DNAH14: variants seen among roughly 807,000 people sequenced by gnomAD.
DNAH14 encodes axonemal beta dynein heavy chain 14.
In DNAH14, 478 loss-of-function variants were observed where a neutral mutation model predicts 520.9. The ratio of observed to expected loss-of-function variants is 0.92; its 90% CI spans 0.85 to 0.99. The LOEUF (loss-of-function observed/expected upper bound fraction) is 0.99. DNAH14 is among the 50% of genes least tolerant of loss of function. The pLI, the probability that DNAH14 is intolerant of heterozygous loss-of-function variation, is 0.00. For missense variants in DNAH14, 4,831 were observed against 5,234.5 expected, an observed-to-expected ratio of 0.92 and a Z score of 2.38; for synonymous variants, 1,581 against 1,757.2, an observed-to-expected ratio of 0.90 and a Z score of 2.51.
intron 4 of DNAH14, chr1:224,961,125 A>G (rs889770984): frequency 6.6e-6 from 1 of 152,166 alleles, no homozygotes; most frequent in African/African-American, 2.4e-5. Context: ...GCTTCGAAGA[A>G]GCAAGCTGCT....
At position 225,351,729 on chromosome 1, in the gene DNAH14, C is replaced by T; in HGVS notation, c.11379C>T (p.His3793=). 4 of 1,551,334 alleles carry T rather than the reference C, an allele frequency of 2.6e-6. No individual in the cohort carries two copies. The highest frequency in any genetic ancestry group is 3.5e-6 in the Non-Finnish European group (4 of 1,146,756). The change falls in exon 72 of 86, where the codon CAC becomes CAT. Residue 3793 remains histidine (H), a synonymous_variant. Transcript: ENST00000682510. ...GGCAGTGCCAATATGTCAGCACTCA[C>T]CTGGAACCATTTTCACTTCTGTGCA... ...RWRQCQYVST[H]LEPFSLLCKS...
Position 225,215,358 on chromosome 1 carries a change from T to G in DNAH14, c.6439+8138T>G, listed in dbSNP as rs1311801135. ...GGTAAATTTTGGAATAAATGCGATG[T>G]GGTGCTGAGAAGAATGTATATTCTG... is the stretch of plus-strand genomic sequence containing the variant. On this transcript the variant is annotated intron_variant, in intron 41 of 85. Coordinates refer to ENST00000682510, the MANE Select transcript of DNAH14 (RefSeq NM_001367479.1). Among the ~76,000 whole-genome samples, 4 of 152,192 alleles carry G rather than the reference T, an allele frequency of 2.6e-5. No homozygotes were observed. In the East Asian group the frequency reaches 7.7e-4, roughly 29 times the overall value.
At position 224,969,676 on chromosome 1, in the gene DNAH14, C is replaced by T. The variant is rs770876910; in HGVS notation, c.767+802C>T. 4.3e-5 allele frequency: 12 copies of T among 280,030 alleles called. No individual in the cohort carries two copies. The Admixed American group carries it at 5.5e-4, about 13-fold the overall frequency. 17.3% of individuals were successfully genotyped at this position (280,030 alleles called of 1,614,324 possible). ...ACGGAGGGACCGGCCGAAGCCATGGCAGAAGAACGTGGATTGTGAAGATTT... is the reference window on the plus strand; with the variant it reads ...ACGGAGGGACCGGCCGAAGCCATGGTAGAAGAACGTGGATTGTGAAGATTT... On this transcript the variant is annotated intron_variant, in intron 7 of 85. Transcript: ENST00000682510.
intron 17 of DNAH14, among the ~76,000 whole-genome samples, chr1:225,077,646 A>C (rs952850587): frequency 6.6e-6 from 1 of 152,216 alleles, no homozygotes; most frequent in African/African-American, 2.4e-5. Context: ...TCCAAAGTAC[A>C]GATGAGGACA....
Position 225,192,692 on chromosome 1 carries a change from C to T in DNAH14, c.5671-4C>T, listed in dbSNP as rs1220132611. On this transcript the variant is annotated splice_polypyrimidine_tract_variant and splice_region_variant and intron_variant, in intron 37 of 85. Coordinates refer to ENST00000682510, the MANE Select transcript of DNAH14 (RefSeq NM_001367479.1). ...CTTTAAAAACTACACTGGATTTTTC[C>T]CAGATTTCAGAAAGAAAAGGAAAAG... 1.3e-6 allele frequency: 2 copies of T among 1,540,818 alleles called. No homozygotes were observed. Among genetic ancestry groups the T allele is most frequent in the South Asian group, 2.4e-5 (2 of 82,622 alleles).
chr1:225,150,942 C>A (rs1447054320), intron 31 of DNAH14, among the ~76,000 whole-genome samples: 5 of 151,960 alleles, frequency 3.3e-5, no homozygotes, highest in Non-Finnish European at 5.9e-5. Flanking sequence ...AAATCTTGAC[C>A]TCAGTGTGAT....
rs755080221 is a variant in DNAH14, at chr1:224,974,115, G to A, written c.792G>A (p.Trp264Ter). Residue 264 changes from tryptophan to a stop codon, truncating the protein, a stop_gained, in exon 8 of 86, where the codon TGG (tryptophan) becomes TGA (stop). Coordinates refer to ENST00000682510, the MANE Select transcript of DNAH14 (RefSeq NM_001367479.1). LOFTEE classifies it high-confidence loss of function. ...DFRMNKAFVT[W>*]KLNVKRIKTE... The stretch of plus-strand genomic sequence containing the variant: ...GAATGAATAAAGCATTTGTTACCTG[G>A]AAATTGAATGTTAAAAGAATTAAGA... 2.0e-6 allele frequency: 3 copies of A among 1,503,066 alleles called. No individual in the cohort carries two copies. The South Asian group carries it at 4.0e-5, about 20-fold the overall frequency. The allele number at this position is 1,503,066 out of a possible 1,614,324, so 93.1% of individuals were successfully genotyped here.
At chr1:225,222,044 G>A (rs1392123163) in intron 41 of DNAH14, among the ~76,000 whole-genome samples, 1 of 152,094 alleles carries the variant, frequency 6.6e-6, no homozygotes, top group Non-Finnish European at 1.5e-5. Context: ...GAGCTGTGTG[G>A]TCCCCTAGCC....
intron 27 of DNAH14, among the ~76,000 whole-genome samples, chr1:225,130,335 C>T (rs2078253884): frequency 6.6e-6 from 1 of 151,952 alleles, no homozygotes; most frequent in Non-Finnish European, 1.5e-5. Context: ...ACCCAAAGGA[C>T]TATAAATCAT....
At position 225,257,995 on chromosome 1, in the gene DNAH14, G is replaced by A. The variant is rs149061712; in HGVS notation, c.6901G>A (p.Gly2301Arg). ...SLLTNLQRSGGNFLKITECGE... is the reference protein window; with the variant it reads ...SLLTNLQRSGRNFLKITECGE... Reference sequence around the variant, plus strand: ...ACTAACTAATCTTCAAAGATCTGGCGGAAACTTCTTGAAGATAACAGAATG... The same window carrying A: ...ACTAACTAATCTTCAAAGATCTGGCAGAAACTTCTTGAAGATAACAGAATG... The change falls in exon 45 of 86, where the codon GGA becomes AGA. Residue 2301 changes from glycine (G) to arginine (R), a missense_variant. Transcript: ENST00000682510. The A allele has an allele frequency of 2.7e-4, 417 of 1,548,342 alleles. No homozygotes were observed. In the African/African-American group the frequency reaches 4.4e-3, roughly 16 times the overall value.
chr1:225,398,159 G>A (rs975803503), intron 84 of DNAH14: 1 of 176,422 alleles, frequency 5.7e-6, no homozygotes, highest in Middle Eastern at 2.6e-3. Flanking sequence ...TGAGCACAGT[G>A]TACTCTGTCA....
At chr1:225,081,545 C>T (rs2148584068) in intron 19 of DNAH14, among the ~76,000 whole-genome samples, 1 of 152,234 alleles carries the variant, frequency 6.6e-6, no homozygotes, top group South Asian at 2.1e-4. Flanking sequence ...ACCCATGGTT[C>T]CCCAGATAAA....
chr1:225,074,602 A>G, intron 17 of DNAH14, among the ~76,000 whole-genome samples: 1 of 152,056 alleles, frequency 6.6e-6, no homozygotes, highest in South Asian at 2.1e-4. Flanking sequence ...TATCACATGG[A>G]GAACACCAGC....
At chr1:225,296,416 G>T (rs1455090009) in intron 55 of DNAH14, among the ~76,000 whole-genome samples, 2 of 151,786 alleles carry the variant, frequency 1.3e-5, no homozygotes, top group Non-Finnish European at 2.9e-5. Flanking sequence ...AGTTATAATA[G>T]ATTGGTGAGG....
intron 68 of DNAH14, among the ~76,000 whole-genome samples, chr1:225,339,401 A>G (rs2095133202): frequency 6.6e-6 from 1 of 152,176 alleles, no homozygotes; most frequent in Admixed American, 6.5e-5. Flanking sequence ...AATAGGTATC[A>G]CTCAAAAAAG....
At chr1:225,379,022 T>C (rs1040738470) in intron 79 of DNAH14, among the ~76,000 whole-genome samples, 4 of 152,176 alleles carry the variant, frequency 2.6e-5, no homozygotes, top group Non-Finnish European at 4.4e-5. Flanking sequence ...CCTGGTTTCA[T>C]CATCTTTAAA....
chr1:225,178,331 G>A (rs925540505), intron 36 of DNAH14, among the ~76,000 whole-genome samples: 5 of 152,152 alleles, frequency 3.3e-5, no homozygotes, highest in African/African-American at 1.2e-4. Flanking sequence ...AGAGGCAAAA[G>A]GCACTTCTTA....
At chr1:225,127,700 C>A (rs1476913093) in intron 27 of DNAH14, among the ~76,000 whole-genome samples, 1 of 152,108 alleles carries the variant, frequency 6.6e-6, no homozygotes, top group Admixed American at 6.6e-5. Flanking sequence ...AGCGTTTAGT[C>A]CATTTACATT....
intron 57 of DNAH14, among the ~76,000 whole-genome samples, chr1:225,304,658 G>A (rs12751491): frequency 0.29 from 44,035 of 150,532 alleles, 7,093 homozygotes; most frequent in East Asian, 0.43. Flanking sequence ...GCAAAAGTGA[G>A]AGTAACATAC....
Sources: gnomAD v4.1 joint callset for allele counts (sites outside exome capture counted in the v4.1 genomes callset) on GRCh38, gnomAD v4.1.1 for gene constraint, MANE v1.5 for transcripts, NCBI Gene and HGNC (gene_info 2026-07-23, HGNC 2026-07-21) for gene names.